Variants in MALRD1 observed in about 807,000 individuals in gnomAD.
MALRD1 encodes MAM and LDL-receptor class A domain-containing protein 1.
In MALRD1, 247 loss-of-function variants were observed where a neutral mutation model predicts 242.1. That is an observed-to-expected ratio of 1.02 (90% CI 0.92 to 1.13). The LOEUF (loss-of-function observed/expected upper bound fraction) is 1.13. Among genes scored for constraint, MALRD1 ranks in the 50% most tolerant of loss-of-function variants. The pLI is 0.00. For synonymous variants in MALRD1, 995 were observed against 866.6 expected (o/e 1.15, Z -2.60); for missense variants, 2,989 against 2,533.1 (o/e 1.18, Z -3.86).
At chr10:19,063,753 T>C (rs60582071) in intron 1 of MALRD1, among the ~76,000 whole-genome samples, 181 of 120,502 alleles carry the variant, frequency 1.5e-3, no homozygotes, top group African/African-American at 5.6e-3. Context: ...TGAGAACACA[T>C]GGACACAGGA....
chr10:19,373,772 A>G (rs1156275429), intron 26 of MALRD1, among the ~76,000 whole-genome samples: 1 of 152,184 alleles, frequency 6.6e-6, no homozygotes, highest in Non-Finnish European at 1.5e-5. Flanking sequence ...AGGTCAATTA[A>G]CCAAGAAGCT....
At chr10:19,124,796 T>A in intron 7 of MALRD1, 126 bp downstream of exon 7, 1 of 777,590 alleles carries the variant, frequency 1.3e-6, no homozygotes, top group Non-Finnish European at 1.7e-6. Context: ...AAATACATTC[T>A]GCCAAAGGAG....
intron 13 of MALRD1, among the ~76,000 whole-genome samples, chr10:19,170,683 A>G (rs1834882797): frequency 6.6e-6 from 1 of 152,144 alleles, no homozygotes; most frequent in African/African-American, 2.4e-5. Context: ...ACTAAAGCCC[A>G]GTTATCTCTT....
chr10:19,476,807 C>A lies in MALRD1; in HGVS notation c.5030-14710C>A, dbSNP rs533915124. 1.4e-3 allele frequency among the ~76,000 whole-genome samples: 210 copies of A among 152,292 alleles called. 1 individual carries two copies. Among genetic ancestry groups the A allele is most frequent in the African/African-American group, 4.9e-3 (205 of 41,550 alleles). On this transcript the variant is annotated intron_variant, in intron 29 of 39. Transcript: ENST00000454679. The stretch of plus-strand genomic sequence containing the variant: ...TTTTTATTCATATGACATGTTCTCA[C>A]ACAATGAACATAGAAGATTCGTGAG...
chr10:19,495,242 G>A (rs895134639), intron 30 of MALRD1, among the ~76,000 whole-genome samples: 1 of 151,962 alleles, frequency 6.6e-6, no homozygotes, highest in Non-Finnish European at 1.5e-5. Flanking sequence ...CTCCCAGAGT[G>A]CCGGGATTAC....
intron 36 of MALRD1, among the ~76,000 whole-genome samples, chr10:19,658,802 T>C (rs560567626): frequency 2.0e-5 from 3 of 152,290 alleles, no homozygotes; most frequent in South Asian, 2.1e-4. Context: ...CACTGTACCA[T>C]TGGCCACAGT....
At chr10:19,235,184 G>C (rs1447382667) in intron 18 of MALRD1, among the ~76,000 whole-genome samples, 1 of 152,070 alleles carries the variant, frequency 6.6e-6, no homozygotes, top group Non-Finnish European at 1.5e-5. Flanking sequence ...CTTTAGATAG[G>C]CCGCTCTTTT....
intron 29 of MALRD1, among the ~76,000 whole-genome samples, chr10:19,455,686 T>C (rs1026894372): frequency 1.3e-5 from 2 of 152,204 alleles, no homozygotes; most frequent in African/African-American, 4.8e-5. Context: ...GCCTTCTTAA[T>C]TGTTTTAGGG....
chr10:19,492,173 A>T (rs180816786), intron 30 of MALRD1, among the ~76,000 whole-genome samples: 2 of 152,208 alleles, frequency 1.3e-5, no homozygotes, highest in Admixed American at 1.3e-4. Flanking sequence ...GTTTAAAAAC[A>T]TATATAAAAC....
Position 19,133,990 on chromosome 10 carries a change from A to G in MALRD1, c.1203+42A>G, listed in dbSNP as rs1588594113. 133 of 1,059,312 alleles carry G rather than the reference A, an allele frequency of 1.3e-4. No individual in the cohort carries two copies. The East Asian group carries it at 4.3e-3, about 34-fold the overall frequency. 65.6% of individuals were successfully genotyped at this position (1,059,312 alleles called of 1,614,324 possible). On this transcript the variant is annotated intron_variant, in intron 9 of 39. Coordinates refer to ENST00000454679, the MANE Select transcript of MALRD1 (RefSeq NM_001142308.3). Reference sequence around the variant, plus strand: ...AAAAGTATTTTTTTATCATGGTTTAAGTTTTAGCTTTGCAGTAATAAATTG... The same window carrying G: ...AAAAGTATTTTTTTATCATGGTTTAGGTTTTAGCTTTGCAGTAATAAATTG...
intron 14 of MALRD1, among the ~76,000 whole-genome samples, chr10:19,195,373 T>C (rs1193298122): frequency 6.6e-6 from 1 of 152,178 alleles, no homozygotes; most frequent in Non-Finnish European, 1.5e-5. Flanking sequence ...CTCTGACGTC[T>C]AGACCTTAGA....
At chr10:19,593,751 A>G (rs1837935708) in intron 33 of MALRD1, among the ~76,000 whole-genome samples, 1 of 152,194 alleles carries the variant, frequency 6.6e-6, no homozygotes. Flanking sequence ...TGTAGACCCA[A>G]ACCTTTGCTG....
intron 38 of MALRD1, among the ~76,000 whole-genome samples, chr10:19,702,271 G>C (rs1589420588): frequency 2.0e-5 from 3 of 152,258 alleles, no homozygotes; most frequent in Admixed American, 6.5e-5. Flanking sequence ...ATTTTTCACT[G>C]TTCCCATTCT....
At chr10:19,381,464 C>G (rs984191242) in intron 26 of MALRD1, among the ~76,000 whole-genome samples, 1 of 151,982 alleles carries the variant, frequency 6.6e-6, no homozygotes, top group African/African-American at 2.4e-5. Context: ...AATGTCTTGT[C>G]TCTAAATAGC....
chr10:19,719,199 TATATATATATATAC>T (rs1834586176), intron 38 of MALRD1, among the ~76,000 whole-genome samples: 1 of 31,682 alleles, frequency 3.2e-5, no homozygotes, highest in Admixed American at 4.3e-4. Context: ...TACATACATA[TATATATATATATAC>T]ACATACATAC....
intron 34 of MALRD1, among the ~76,000 whole-genome samples, chr10:19,604,207 G>T (rs956264514): frequency 6.6e-6 from 1 of 152,066 alleles, no homozygotes; most frequent in Non-Finnish European, 1.5e-5. Flanking sequence ...ACAAATGATA[G>T]GAAAGCAAAA....
At chr10:19,316,199 C>T (rs1842701296) in intron 21 of MALRD1, among the ~76,000 whole-genome samples, 1 of 151,716 alleles carries the variant, frequency 6.6e-6, no homozygotes, top group South Asian at 2.1e-4. Flanking sequence ...GTTCTATTAA[C>T]ACTGTGTATT....
chr10:19,110,295 C>T (rs1404167904), intron 5 of MALRD1, among the ~76,000 whole-genome samples: 1 of 152,196 alleles, frequency 6.6e-6, no homozygotes. Flanking sequence ...TTTCTTGCCA[C>T]ATAGACCAAG....
intron 32 of MALRD1, among the ~76,000 whole-genome samples, chr10:19,539,903 C>A (rs61235995): frequency 4.0e-5 from 2 of 49,424 alleles, no homozygotes; most frequent in African/African-American, 1.4e-4. Flanking sequence ...TGTGTGCGCG[C>A]GCGCGTGCGC....
Sources: allele counts gnomAD v4.1 joint callset (sites outside exome capture counted in the v4.1 genomes callset), GRCh38; gene constraint gnomAD v4.1.1; transcripts MANE v1.5; gene names NCBI Gene and HGNC (gene_info 2026-07-23, HGNC 2026-07-21).